The following FBN2 variants were observed in gnomAD, a reference collection of about 807,000 sequenced individuals.
FBN2 encodes the protein fibrillin-2.
FBN2 carries 105 observed loss-of-function variants against 355.6 expected under a neutral mutation model. The ratio of observed to expected loss-of-function variants is 0.30; its 90% CI spans 0.25 to 0.35. The LOEUF is 0.35. FBN2 is among the 10% of genes least tolerant of loss of function. The pLI is 1.00. For missense variants in FBN2, 3,280 were observed against 3,758.7 expected (o/e 0.87, Z 3.33); for synonymous variants, 1,350 against 1,301.2 (o/e 1.04, Z -0.81).
At chr5:128,344,570 C>G in intron 24 of FBN2, 60 bp from the exon 25 acceptor site, 3 of 1,557,904 alleles carry the variant, frequency 1.9e-6, no homozygotes, top group Non-Finnish European at 2.6e-6. Context: ...AGGTCCATCA[C>G]TTTAAGTTAA....
chr5:128,334,020 T>G (rs1392024826), intron 31 of FBN2, among the ~76,000 whole-genome samples: 1 of 151,908 alleles, frequency 6.6e-6, no homozygotes, highest in Admixed American at 6.6e-5. Context: ...ATATCACACA[T>G]AAGTCTTAAA....
At position 128,291,556 on chromosome 5, in the gene FBN2, G is replaced by A. The variant is rs754213834; in HGVS notation, c.6265C>T (p.Leu2089=). Residue 2089 remains leucine, a synonymous_variant, in exon 49 of 65, where the codon CTA becomes TTA. Transcript: ENST00000262464. The part of the protein sequence containing the change: ...FQCLCPPGFV[L]SDNGRRCFDT... ...AAGCATCTCCGTCCATTATCAGATA[G>A]TACAAAGCCAGGGGGGCAGAGGCAC... 2 of 1,613,856 alleles carry A rather than the reference G, an allele frequency of 1.2e-6. No homozygotes were observed. Among genetic ancestry groups the A allele is most frequent in the African/African-American group, 2.7e-5 (2 of 74,912 alleles).
chr5:128,466,883 T>A (rs1408912306), intron 5 of FBN2, among the ~76,000 whole-genome samples: 1 of 152,188 alleles, frequency 6.6e-6, no homozygotes, highest in East Asian at 1.9e-4. Flanking sequence ...TCTATCCTAT[T>A]GTCCTTCAGA....
intron 18 of FBN2, among the ~76,000 whole-genome samples, 200 bp downstream of exon 18, chr5:128,364,400 C>T (rs764353577): frequency 4.0e-5 from 6 of 151,876 alleles, no homozygotes; most frequent in South Asian, 2.1e-4. Flanking sequence ...ATTTTAAAAA[C>T]GAATTGGTAC....
At chr5:128,393,656 C>A (rs1752578639) in intron 9 of FBN2, among the ~76,000 whole-genome samples, 1 of 152,154 alleles carries the variant, frequency 6.6e-6, no homozygotes, top group South Asian at 2.1e-4. Context: ...TCATAAAATT[C>A]CAGACATAAT....
intron 7 of FBN2, among the ~76,000 whole-genome samples, chr5:128,427,991 C>A (rs751518161): frequency 2.6e-5 from 4 of 152,320 alleles, no homozygotes; most frequent in Non-Finnish European, 5.9e-5. Context: ...GCAATTTCAA[C>A]CTTCAGTTCT....
chr5:128,293,080 T>C (rs1749374260), intron 48 of FBN2, among the ~76,000 whole-genome samples: 1 of 152,152 alleles, frequency 6.6e-6, no homozygotes. Flanking sequence ...CCACTGAATG[T>C]AGGAATGAAT....
intron 53 of FBN2, 112 bp downstream of exon 53, chr5:128,288,326 C>A: frequency 1.6e-6 from 2 of 1,279,678 alleles, no homozygotes; most frequent in South Asian, 1.3e-5. Context: ...AACAAAAAAC[C>A]CCACCGTATG....
intron 3 of FBN2, among the ~76,000 whole-genome samples, chr5:128,529,889 G>T (rs1056615935): frequency 2.0e-5 from 3 of 152,178 alleles, no homozygotes; most frequent in Admixed American, 6.5e-5. Context: ...GGCATTTGAT[G>T]TATGAATCCT....
intron 29 of FBN2, 74 bp from the exon 30 acceptor site, chr5:128,335,369 C>A: frequency 6.2e-7 from 1 of 1,611,614 alleles, no homozygotes; most frequent in Non-Finnish European, 8.5e-7. Context: ...TGTTTTCTAT[C>A]TGGTTCCACT....
intron 57 of FBN2, 54 bp from the exon 58 acceptor site, chr5:128,278,059 A>T: frequency 6.3e-7 from 1 of 1,585,842 alleles, no homozygotes; most frequent in Non-Finnish European, 8.7e-7. Context: ...GCAAGGGTAA[A>T]ACTGGTTAGA....
intron 20 of FBN2, among the ~76,000 whole-genome samples, chr5:128,352,710 A>C (rs1039096175): frequency 9.9e-5 from 15 of 152,168 alleles, no homozygotes; most frequent in African/African-American, 3.6e-4. Flanking sequence ...GCAGCCCAGG[A>C]ATCTGAATTT....
Position 128,392,160 on chromosome 5 carries a change from G to T in FBN2, c.1466-5C>A. 1 of 1,612,376 alleles carries T rather than the reference G, an allele frequency of 6.2e-7. No individual in the cohort carries two copies. The highest frequency in any genetic ancestry group is 8.5e-7 in the Non-Finnish European group (1 of 1,178,808). On this transcript the variant is annotated splice_region_variant and splice_polypyrimidine_tract_variant and intron_variant, in intron 10 of 64. Coordinates refer to ENST00000262464, the MANE Select transcript of FBN2 (RefSeq NM_001999.4). ...CTATTGTCTGGTTCAGAATTGCTAC[G>T]GAAAATTAAAGCACAATTATATTTA... is the stretch of plus-strand genomic sequence containing the variant.
intron 52 of FBN2, 22 bp downstream of exon 52, chr5:128,289,105 G>C (rs758318305): frequency 3.1e-6 from 5 of 1,613,274 alleles, no homozygotes; most frequent in Non-Finnish European, 4.2e-6. Flanking sequence ...TTAAAATTCT[G>C]TAATGTGGAG....
At position 128,417,831 on chromosome 5, in the gene FBN2, C is replaced by T. The variant is rs577088166; in HGVS notation, c.953-9032G>A. Among the ~76,000 whole-genome samples, 28 of 152,066 alleles carry T rather than the reference C, an allele frequency of 1.8e-4. No homozygotes were observed. The South Asian group carries it at 5.8e-3, about 32-fold the overall frequency. On this transcript the variant is annotated intron_variant, in intron 7 of 64. Coordinates refer to ENST00000262464, the MANE Select transcript of FBN2 (RefSeq NM_001999.4). ...TTCTTTTTTGTTGTTTTGTCCTTGT[C>T]TGGTTTTGTAGAATGCATTAAGGAC...
At chr5:128,312,476 T>C (rs937454896) in intron 37 of FBN2, among the ~76,000 whole-genome samples, 158 bp downstream of exon 37, 12 of 152,226 alleles carry the variant, frequency 7.9e-5, no homozygotes, top group Admixed American at 2.6e-4. Context: ...TCCTTTAACA[T>C]TCTTGGCTGG....
At chr5:128,400,331 A>T (rs1313098795) in intron 8 of FBN2, among the ~76,000 whole-genome samples, 4 of 152,148 alleles carry the variant, frequency 2.6e-5, no homozygotes, top group Non-Finnish European at 5.9e-5. Context: ...AATATGGCAG[A>T]TACTTTTAAA....
At chr5:128,523,899 G>T (rs973122888) in intron 4 of FBN2, among the ~76,000 whole-genome samples, 2 of 151,896 alleles carry the variant, frequency 1.3e-5, no homozygotes, top group African/African-American at 4.8e-5. Context: ...GCACCACTGT[G>T]GTAGCCTCCT....
chr5:128,394,044 T>G (rs1308503687), intron 9 of FBN2, among the ~76,000 whole-genome samples: 1 of 152,220 alleles, frequency 6.6e-6, no homozygotes, highest in Non-Finnish European at 1.5e-5. Context: ...CAAAATTATT[T>G]ACTAGGCATT....
Sources: gnomAD v4.1 joint callset for allele counts (sites outside exome capture counted in the v4.1 genomes callset) on GRCh38, gnomAD v4.1.1 for gene constraint, MANE v1.5 for transcripts, NCBI Gene and HGNC (gene_info 2026-07-23, HGNC 2026-07-21) for gene names.